Variants in WNK2 observed in about 807,000 individuals in gnomAD.
WNK2 encodes serine/threonine-protein kinase WNK2.
Under a neutral mutation model 192.1 loss-of-function variants are expected in WNK2, and 67 were observed. The observed-to-expected ratio is 0.35, with a 90% CI of 0.29 to 0.43. WNK2 has a LOEUF of 0.43. Among genes scored for constraint, WNK2 ranks in the 20% least tolerant of loss-of-function variants. The pLI, the probability that WNK2 is intolerant of heterozygous loss-of-function variation, is 1.00. For synonymous variants in WNK2, 1,439 were observed against 1,393.9 expected (o/e 1.03, Z -0.72); for missense variants, 2,698 against 3,089.7 (o/e 0.87, Z 3.01).
At chr9:93,306,549 G>C (rs1232043664) in intron 26 of WNK2, 3 of 565,620 alleles carry the variant, frequency 5.3e-6, no homozygotes, top group Non-Finnish European at 9.5e-6. Context: ...TGAAGCTTAG[G>C]GGCTTGGCCC....
intron 29 of WNK2, chr9:93,319,047 T>C (rs1564255880): frequency 1.9e-6 from 3 of 1,579,690 alleles, no homozygotes; most frequent in Non-Finnish European, 2.6e-6. Context: ...ATTTCTGTTC[T>C]CTGTACTGGG....
At chr9:93,252,468 G>A (rs78793171) in intron 8 of WNK2, among the ~76,000 whole-genome samples, 2,500 of 152,324 alleles carry the variant, frequency 0.016, 72 homozygotes, top group African/African-American at 0.056. Flanking sequence ...AGACACCCTC[G>A]CCTCTTATAA....
chr9:93,194,971 T>C (rs1476777300), intron 2 of WNK2, among the ~76,000 whole-genome samples: 2 of 151,140 alleles, frequency 1.3e-5, no homozygotes, highest in Non-Finnish European at 2.9e-5. Flanking sequence ...GCATATTGTA[T>C]GATTCCAACT....
Position 93,247,336 on chromosome 9 carries a change from G to C in WNK2, c.1543-207G>C, listed in dbSNP as rs559936218. ...ACTCTGCGGGATGCAGGTCAGGCCT[G>C]CGTGGTGGTGGTCTTTCTTTGCCTT... On this transcript the variant is annotated intron_variant, in intron 7 of 29. Transcript: ENST00000427277. This position sits in a 1 kb window ranked among gnomAD's most constrained non-coding sequence, Gnocchi z 5.2. Among the ~76,000 whole-genome samples the C allele has an allele frequency of 6.6e-6, 1 of 152,356 alleles. No individual in the cohort carries two copies. The highest frequency in any genetic ancestry group is 2.1e-4 in the South Asian group (1 of 4,828).
intron 19 of WNK2, among the ~76,000 whole-genome samples, chr9:93,273,451 G>A (rs1185651431): frequency 6.6e-6 from 1 of 152,242 alleles, no homozygotes; most frequent in Non-Finnish European, 1.5e-5. Context: ...ACTGTGCCCG[G>A]CTGACATTAC....
chr9:93,220,464 C>T (rs867181119), intron 2 of WNK2, among the ~76,000 whole-genome samples: 4 of 152,136 alleles, frequency 2.6e-5, no homozygotes, highest in South Asian at 4.1e-4. Context: ...AGGAGACCTC[C>T]GACCTTTCCT....
intron 2 of WNK2, among the ~76,000 whole-genome samples, chr9:93,207,055 G>T (rs920994032): frequency 1.3e-5 from 2 of 152,254 alleles, no homozygotes; most frequent in Non-Finnish European, 2.9e-5. Flanking sequence ...GGCTTCCTTG[G>T]AGAGCAGAGA....
At chr9:93,274,166 AC>A (rs1445301713) in intron 19 of WNK2, among the ~76,000 whole-genome samples, 1 of 152,212 alleles carries the variant, frequency 6.6e-6, no homozygotes, top group African/African-American at 2.4e-5. Flanking sequence ...ATTTTTAAAA[AC>A]GTTAGTAAAA....
rs372292056 is a variant in WNK2 at position 93,259,949 on chromosome 9, G to A, written c.3066+335G>A. Among the ~76,000 whole-genome samples, 11 of 152,316 alleles carry A rather than the reference G, an allele frequency of 7.2e-5. No individual in the cohort carries two copies. The highest frequency in any genetic ancestry group is 2.1e-4 in the South Asian group (1 of 4,826). ...GTCTGGCAGCCTTGGTGTGGCTTGC[G>A]TTGGGGCACAGGTTGTCTGTCTGAG... On this transcript the variant is annotated intron_variant, in intron 12 of 29. Transcript: ENST00000427277. The surrounding 1 kb of genome is among the most constrained non-coding windows in gnomAD (Gnocchi z 4.8).
Position 93,229,860 on chromosome 9 carries a change from G to C in WNK2, c.846G>C (p.Thr282=). 6.2e-7 allele frequency: 1 copy of C among 1,613,302 alleles called. No homozygotes were observed. Among genetic ancestry groups the C allele is most frequent in the Non-Finnish European group, 8.5e-7 (1 of 1,179,552 alleles). Residue 282 remains threonine (T), a synonymous_variant, in exon 3 of 30, where the codon ACG becomes ACC. Transcript: ENST00000427277. This position sits in a 1 kb window ranked among gnomAD's most constrained non-coding sequence, Gnocchi z 4.9. The part of the protein sequence containing the change: ...VLVTELMTSG[T]LKTYLKRFKV... ...TGACGGAGCTGATGACCTCAGGGAC[G>C]CTGAAGACGTAAGCTCCGCTTCCTG...
intron 1 of WNK2, among the ~76,000 whole-genome samples, 179 bp downstream of exon 1, chr9:93,184,564 G>A (rs758168405): frequency 6.6e-6 from 1 of 152,124 alleles, no homozygotes; most frequent in Non-Finnish European, 1.5e-5. Flanking sequence ...AGCTGCCTCC[G>A]GGACAGCCTA....
chr9:93,270,762 G>C (rs377623830), intron 19 of WNK2, among the ~76,000 whole-genome samples: 6 of 152,284 alleles, frequency 3.9e-5, no homozygotes, highest in South Asian at 2.1e-4. Flanking sequence ...CGACAGTTCT[G>C]GAGGTAACAG....
In WNK2 at chr9:93,243,384, G is replaced by A. The variant is rs200999468; in HGVS notation, c.1542+3408G>A. On this transcript the variant is annotated intron_variant, in intron 7 of 29. Coordinates refer to ENST00000427277, the MANE Select transcript of WNK2 (RefSeq NM_006648.4). Reference sequence around the variant, plus strand: ...TGTGCCCATCACCACACAAGTCCCCGTCCCTGGCAGTTGGCTGAACTCTGC... The same window carrying A: ...TGTGCCCATCACCACACAAGTCCCCATCCCTGGCAGTTGGCTGAACTCTGC... Among the ~76,000 whole-genome samples the A allele has an allele frequency of 3.2e-4, 48 of 152,238 alleles. 1 individual carries two copies. The highest frequency in any genetic ancestry group is 9.6e-4 in the East Asian group (5 of 5,192).
chr9:93,194,755 G>A (rs112224729), intron 2 of WNK2, among the ~76,000 whole-genome samples: 3,160 of 152,288 alleles, frequency 0.021, 47 homozygotes, highest in Admixed American at 0.024. Flanking sequence ...ACCTGCACAC[G>A]GATGTTTATA....
intron 19 of WNK2, among the ~76,000 whole-genome samples, chr9:93,274,630 C>T (rs1846506707): frequency 1.3e-5 from 2 of 151,242 alleles, no homozygotes; most frequent in Non-Finnish European, 2.9e-5. Context: ...ATAGTCTGAA[C>T]AAGCTTACAG....
chr9:93,226,778 C>T (rs913594142), intron 2 of WNK2, among the ~76,000 whole-genome samples: 4 of 152,132 alleles, frequency 2.6e-5, no homozygotes, highest in Admixed American at 2.6e-4. Context: ...TTGGCCTTCA[C>T]CTGTGCTACT....
chr9:93,243,465 C>T (rs1841128802), intron 7 of WNK2, among the ~76,000 whole-genome samples: 1 of 152,222 alleles, frequency 6.6e-6, no homozygotes, highest in South Asian at 2.1e-4. Context: ...GCACCTTCAC[C>T]CCCGCTTCTG....
chr9:93,207,587 T>G (rs1023880895), intron 2 of WNK2, among the ~76,000 whole-genome samples: 1 of 152,196 alleles, frequency 6.6e-6, no homozygotes, highest in Non-Finnish European at 1.5e-5. Context: ...GTGTATTTGG[T>G]GCAAACCCCA....
intron 2 of WNK2, among the ~76,000 whole-genome samples, chr9:93,211,035 C>T (rs549037046): frequency 6.6e-6 from 1 of 152,236 alleles, no homozygotes; most frequent in African/African-American, 2.4e-5. Flanking sequence ...ACTATACATT[C>T]ACTCACACAT....
Sources: allele counts gnomAD v4.1 joint callset (sites outside exome capture counted in the v4.1 genomes callset), GRCh38; gene constraint gnomAD v4.1.1; non-coding constraint Gnocchi (gnomAD v3.1); transcripts MANE v1.5; gene names NCBI Gene and HGNC (gene_info 2026-07-23, HGNC 2026-07-21).